Variants in STK3 observed in about 807,000 individuals in gnomAD.
STK3 encodes serine/threonine-protein kinase 3.
STK3 carries 41 observed loss-of-function variants against 58.0 expected under a neutral mutation model. The observed-to-expected ratio is 0.71, with a 90% CI of 0.55 to 0.92. The LOEUF is 0.92. STK3 is among the 40% of genes least tolerant of loss of function. The pLI, the probability that STK3 is intolerant of heterozygous loss-of-function variation, is 0.00. For missense variants in STK3, 479 were observed against 602.7 expected (o/e 0.79, Z 2.15); for synonymous variants, 170 against 191.0 (o/e 0.89, Z 0.91).
chr8:98,360,608 C>T, the STK3 span, among the ~76,000 whole-genome samples: 2 of 151,634 alleles, frequency 1.3e-5, no homozygotes, highest in African/African-American at 4.8e-5. Flanking sequence ...ATGATGCATT[C>T]ATTGTCAGAT....
At chr8:98,858,851 C>T (rs191338724) in intron 3 of STK3, among the ~76,000 whole-genome samples, 6 of 149,942 alleles carry the variant, frequency 4.0e-5, no homozygotes, top group African/African-American at 1.2e-4. Flanking sequence ...GAGATAATGC[C>T]ACTGCACTCC....
intron 1 of STK3, among the ~76,000 whole-genome samples, chr8:98,892,972 T>C (rs1443956078): frequency 6.6e-6 from 1 of 152,170 alleles, no homozygotes; most frequent in East Asian, 1.9e-4. Context: ...AAAGGCAGAA[T>C]TGGCTCTGGA....
chr8:98,756,056 T>A (rs1830269103), intron 3 of STK3, among the ~76,000 whole-genome samples: 1 of 151,574 alleles, frequency 6.6e-6, no homozygotes, highest in Non-Finnish European at 1.5e-5. Context: ...GGCAGGAGAA[T>A]CGCTTGAACC....
intron 6 of STK3, among the ~76,000 whole-genome samples, chr8:98,622,243 T>G (rs1449814106): frequency 6.6e-6 from 1 of 151,770 alleles, no homozygotes; most frequent in Non-Finnish European, 1.5e-5. Context: ...CACTCCAGCC[T>G]GGGTGACAGT....
intron 3 of STK3, among the ~76,000 whole-genome samples, chr8:98,418,585 G>A (rs2131051509): frequency 6.6e-6 from 1 of 152,300 alleles, no homozygotes; most frequent in Admixed American, 6.5e-5. Flanking sequence ...CTGAACTGAG[G>A]GAGGTTTGGG....
intron 3 of STK3, among the ~76,000 whole-genome samples, chr8:98,759,787 T>C (rs1830508511): frequency 6.6e-6 from 1 of 152,202 alleles, no homozygotes; most frequent in Non-Finnish European, 1.5e-5. Context: ...TTGCAGGTTG[T>C]ATCAGAACCC....
intron 4 of STK3, among the ~76,000 whole-genome samples, chr8:98,741,982 A>T (rs1241732310): frequency 1.3e-5 from 2 of 152,210 alleles, no homozygotes; most frequent in Non-Finnish European, 2.9e-5. Context: ...AAAATCTAGA[A>T]GAAATGGATA....
Position 98,596,033 on chromosome 8 carries a change from TG to T in STK3, c.820del (p.Gln274SerfsTer14). 4 of 1,612,832 alleles carry T rather than the reference TG, an allele frequency of 2.5e-6. No individual in the cohort carries two copies. Among genetic ancestry groups the T allele is most frequent in the Non-Finnish European group, 3.4e-6 (4 of 1,179,256 alleles). ...EQRATATQLL[Q>X]HPFIKNAKPV... Reference sequence around the variant, plus strand: ...TCCCTTCGAGGCACAAGCACTGACCTGTAAAAGTTGTGTTGCAGTAGCTCTC... The same window carrying T: ...TCCCTTCGAGGCACAAGCACTGACCTTAAAAGTTGTGTTGCAGTAGCTCTC... On this transcript the variant is annotated frameshift_variant and splice_region_variant, in exon 7 of 11. Coordinates refer to ENST00000419617, the MANE Select transcript of STK3 (RefSeq NM_006281.4). LOFTEE classifies it high-confidence loss of function.
chr8:98,854,763 C>A (rs1836605053), intron 3 of STK3, among the ~76,000 whole-genome samples: 1 of 152,070 alleles, frequency 6.6e-6, no homozygotes, highest in African/African-American at 2.4e-5. Flanking sequence ...TAACATGTTA[C>A]TACTCTCCAA....
intron 1 of STK3, among the ~76,000 whole-genome samples, chr8:98,932,732 G>C (rs536712757): frequency 6.6e-6 from 1 of 152,312 alleles, no homozygotes; most frequent in South Asian, 2.1e-4. Flanking sequence ...TGAGGCCAAT[G>C]CTCCTGGTCC....
At chr8:98,614,078 A>C (rs1817440484) in intron 6 of STK3, among the ~76,000 whole-genome samples, 1 of 152,224 alleles carries the variant, frequency 6.6e-6, no homozygotes, top group East Asian at 1.9e-4. Flanking sequence ...GAAATAGATA[A>C]ATTCACCATT....
intron 6 of STK3, chr8:98,597,849 G>A (rs964884011): frequency 1.8e-5 from 18 of 982,802 alleles, no homozygotes; most frequent in Admixed American, 1.2e-4. Flanking sequence ...CATATGAAAC[G>A]AATAGCAAAC....
intron 3 of STK3, among the ~76,000 whole-genome samples, chr8:98,407,014 A>C (rs1180988359): frequency 1.3e-5 from 2 of 152,164 alleles, no homozygotes; most frequent in African/African-American, 2.4e-5. Flanking sequence ...CTATTGGCTA[A>C]AAGGACTCCA....
rs566292139 is a variant in STK3, at chr8:98,508,651, A to G, written c.1317+18091T>C. 1.4e-4 allele frequency among the ~76,000 whole-genome samples: 22 copies of G among 152,314 alleles called. No homozygotes were observed. The South Asian group carries it at 2.9e-3, about 20-fold the overall frequency. On this transcript the variant is annotated intron_variant, in intron 10 of 10. Coordinates refer to ENST00000419617, the MANE Select transcript of STK3 (RefSeq NM_006281.4). ...TATGGTGTGTGAATTATATCTCAAT[A>G]AAGTTTTTATTAAAAATTTTTATGT...
intron 6 of STK3, among the ~76,000 whole-genome samples, chr8:98,643,352 A>G (rs1489008330): frequency 6.6e-6 from 1 of 152,164 alleles, no homozygotes; most frequent in Non-Finnish European, 1.5e-5. Context: ...CTCCAGCCAC[A>G]CTGGCCTCTG....
chr8:98,660,236 AAGT>A (rs1449219557), intron 6 of STK3, among the ~76,000 whole-genome samples: 2 of 151,974 alleles, frequency 1.3e-5, no homozygotes, highest in African/African-American at 4.8e-5. Flanking sequence ...TAGAGACAGA[AAGT>A]AGAATGGTAG....
In STK3 at chr8:98,455,180, C is replaced by CA. The variant is rs943762350; in HGVS notation, c.*661dup. On this transcript the variant is annotated 3_prime_UTR_variant, in exon 11 of 11. Transcript: ENST00000419617. ...TCTATTTGTACCAAACATCAAAAATCAAAAAAACAAAATTTCAAAGGGTAA... is the reference window on the plus strand; with the variant it reads ...TCTATTTGTACCAAACATCAAAAATCAAAAAAAACAAAATTTCAAAGGGTAA... 7 of 151,954 alleles carry CA rather than the reference C, an allele frequency of 4.6e-5. No homozygotes were observed. The highest frequency in any genetic ancestry group is 3.9e-4 in the East Asian group (2 of 5,160). 9.4% of individuals were successfully genotyped at this position (151,954 alleles called of 1,614,324 possible).
At chr8:98,692,051 G>A (rs1389076550) in intron 6 of STK3, among the ~76,000 whole-genome samples, 1 of 152,086 alleles carries the variant, frequency 6.6e-6, no homozygotes, top group African/African-American at 2.4e-5. Context: ...TCAGAGAAAT[G>A]CAGATCAAAA....
chr8:98,768,780 G>A (rs564265152), intron 2 of STK3, among the ~76,000 whole-genome samples: 4 of 152,322 alleles, frequency 2.6e-5, no homozygotes, highest in East Asian at 1.9e-4. Context: ...AGAAAAACAC[G>A]TATGTGTGAA....
Sources: allele counts gnomAD v4.1 joint callset (sites outside exome capture counted in the v4.1 genomes callset), GRCh38; gene constraint gnomAD v4.1.1; transcripts MANE v1.5; gene names NCBI Gene and HGNC (gene_info 2026-07-23, HGNC 2026-07-21).